Variants in BAG4 observed in about 807,000 individuals in gnomAD.
BAG4 encodes the protein BAG family molecular chaperone regulator 4.
BAG4 carries 28 observed loss-of-function variants against 52.1 expected under a neutral mutation model. The ratio of observed to expected loss-of-function variants is 0.54; its 90% confidence interval spans 0.40 to 0.74. BAG4 has a LOEUF of 0.74. Ranked by LOEUF, BAG4 falls within the 30% of genes least tolerant of loss-of-function variation. BAG4 has a pLI of 0.00. For missense variants in BAG4, 525 were observed against 572.0 expected, an observed-to-expected ratio of 0.92 and a Z score of 0.84; for synonymous variants, 208 against 217.0, an observed-to-expected ratio of 0.96 and a Z score of 0.37.
In BAG4 at chr8:38,210,702, G is replaced by A; in HGVS notation, c.*209G>A. 1.7e-6 allele frequency: 1 copy of A among 580,484 alleles called. No homozygotes were observed. Among genetic ancestry groups the A allele is most frequent in the South Asian group, 3.0e-5 (1 of 32,790 alleles). The allele number at this position is 580,484 out of a possible 1,614,324, so 36.0% of individuals were successfully genotyped here. A position where few individuals can be genotyped will look rare whatever the true frequency, so the allele number is the denominator to read the frequency against. ...AGTTTTCAGACGAATGAATGTAATA[G>A]GAAACTATGGAGTTACCAATATTGC... On this transcript the variant is annotated 3_prime_UTR_variant, in exon 5 of 5. Transcript: ENST00000287322.
At chr8:38,178,335 A>G (rs1194452505) in intron 1 of BAG4, among the ~76,000 whole-genome samples, 2 of 152,062 alleles carry the variant, frequency 1.3e-5, no homozygotes, top group South Asian at 2.1e-4. Context: ...TTGTATTTTT[A>G]GTACAGACGG....
chr8:38,178,399 C>T (rs1475338708), intron 1 of BAG4, among the ~76,000 whole-genome samples: 1 of 152,214 alleles, frequency 6.6e-6, no homozygotes, highest in African/African-American at 2.4e-5. Flanking sequence ...AAGTGATCCC[C>T]CTTTCCCCTG....
At chr8:38,195,056 G>A (rs1803542701) in intron 2 of BAG4, among the ~76,000 whole-genome samples, 1 of 151,650 alleles carries the variant, frequency 6.6e-6, no homozygotes, top group South Asian at 2.1e-4. Flanking sequence ...GGGTTTCACT[G>A]TGTTAGCCAG....
At chr8:38,189,275 A>G (rs769896745) in intron 1 of BAG4, among the ~76,000 whole-genome samples, 2 of 152,138 alleles carry the variant, frequency 1.3e-5, no homozygotes, top group Non-Finnish European at 2.9e-5. Context: ...GGTGAATTGG[A>G]TGGTAGTGAG....
At chr8:38,203,572 C>T (rs947016575) in intron 2 of BAG4, among the ~76,000 whole-genome samples, 46 of 152,032 alleles carry the variant, frequency 3.0e-4, no homozygotes, top group South Asian at 1.4e-3. Flanking sequence ...TGTGAGCCAC[C>T]GTGCCTGGTT....
At chr8:38,203,871 T>TA (rs1040219229) in intron 2 of BAG4, 2 of 154,574 alleles carry the variant, frequency 1.3e-5, no homozygotes, top group Non-Finnish European at 2.8e-5. Context: ...TGATAATACT[T>TA]ATCGCAGACA....
At chr8:38,193,813 A>G (rs1585658088) in intron 2 of BAG4, among the ~76,000 whole-genome samples, 1 of 149,224 alleles carries the variant, frequency 6.7e-6, no homozygotes, top group South Asian at 2.1e-4. Context: ...ATCTTGGCTC[A>G]TTGCAGCCTC....
Position 38,210,341 on chromosome 8 carries a change from G to A in BAG4, c.1222G>A (p.Ala408Thr). 1 of 1,614,162 alleles carries A rather than the reference G, an allele frequency of 6.2e-7. No individual in the cohort carries two copies. Among genetic ancestry groups the A allele is most frequent in the Non-Finnish European group, 8.5e-7 (1 of 1,180,024 alleles). Residue 408 changes from alanine (A) to threonine (T), a missense_variant, in exon 5 of 5, where the codon GCA (alanine) becomes ACA (threonine). Coordinates refer to ENST00000287322, the MANE Select transcript of BAG4 (RefSeq NM_004874.4). ...ATTTGTAGGAAAAAAGACAGACAAA[G>A]CATACTGGCTTCTGGAAGAAATGCT... ...EEFVGKKTDK[A>T]YWLLEEMLTK...
At chr8:38,186,631 C>CA (rs1372705364) in intron 1 of BAG4, among the ~76,000 whole-genome samples, 1 of 152,176 alleles carries the variant, frequency 6.6e-6, no homozygotes, top group African/African-American at 2.4e-5. Context: ...GAACAACTCT[C>CA]AAACACTGAC....
Position 38,176,913 on chromosome 8 carries a change from C to G in BAG4, c.44C>G (p.Pro15Arg). The G allele has an allele frequency of 6.5e-7, 1 of 1,548,514 alleles. No individual in the cohort carries two copies. Among genetic ancestry groups the G allele is most frequent in the Non-Finnish European group, 8.7e-7 (1 of 1,146,492 alleles). Reference protein sequence around the residue: ...RRSGYGPSDGPSYGRYYGPGG... With the variant: ...RRSGYGPSDGRSYGRYYGPGG... The stretch of plus-strand genomic sequence containing the variant: ...TCGGGCTACGGCCCCAGTGACGGTC[C>G]GTCCTACGGCCGCTACTACGGGCCT... Residue 15 changes from proline to arginine, a missense_variant, in exon 1 of 5, where the codon CCG becomes CGG. Pro to Arg is a moderately radical substitution (Grantham distance 103, BLOSUM62 -2). Coordinates refer to ENST00000287322, the MANE Select transcript of BAG4 (RefSeq NM_004874.4).
chr8:38,197,624 TAGTTTACC>T (rs1489954602), intron 2 of BAG4, among the ~76,000 whole-genome samples: 13 of 152,244 alleles, frequency 8.5e-5, no homozygotes, highest in Admixed American at 8.5e-4. Context: ...ATTGTACACT[TAGTTTACC>T]ATAAATTTGT....
intron 2 of BAG4, among the ~76,000 whole-genome samples, chr8:38,200,783 A>C (rs1020751427): frequency 6.6e-6 from 1 of 152,114 alleles, no homozygotes; most frequent in African/African-American, 2.4e-5. Context: ...TTTTTAGTAC[A>C]GATGGGGTTT....
intron 1 of BAG4, among the ~76,000 whole-genome samples, chr8:38,177,830 T>C (rs1803191188): frequency 6.6e-6 from 1 of 152,170 alleles, no homozygotes; most frequent in Non-Finnish European, 1.5e-5. Context: ...GCCGGACATA[T>C]ACTTCTGCTT....
rs916826247 is a variant in BAG4 at position 38,207,609 on chromosome 8, G to A, written c.476G>A (p.Gly159Asp). Residue 159 changes from glycine (G) to aspartate (D), a missense_variant, in exon 3 of 5, where the codon GGT becomes GAT. By Grantham distance (94) the Gly-to-Asp change is moderately conservative (BLOSUM62 -1). Transcript: ENST00000287322. ...TACTCAGGGGCTTATTATGCACCTG[G>A]TTATACTCAGACCAGTTACTCCACA... Reference protein sequence around the residue: ...ASYSGAYYAPGYTQTSYSTEV... With the variant: ...ASYSGAYYAPDYTQTSYSTEV... The A allele has an allele frequency of 6.2e-7, 1 of 1,613,956 alleles. No homozygotes were observed. Among genetic ancestry groups the A allele is most frequent in the Non-Finnish European group, 8.5e-7 (1 of 1,179,960 alleles).
chr8:38,203,165 T>C (rs1803709870), intron 2 of BAG4, among the ~76,000 whole-genome samples: 2 of 152,282 alleles, frequency 1.3e-5, no homozygotes, highest in East Asian at 1.9e-4. Flanking sequence ...ATAAGCTGTT[T>C]TGAGACAAAC....
chr8:38,187,745 G>A (rs1803387276), intron 1 of BAG4, among the ~76,000 whole-genome samples: 2 of 151,902 alleles, frequency 1.3e-5, no homozygotes, highest in Admixed American at 1.3e-4. Context: ...TAGCCCAGCT[G>A]GGTGCTGTGG....
chr8:38,205,202 ATTTTTTTT>A (rs35284937), intron 2 of BAG4, among the ~76,000 whole-genome samples: 12 of 79,314 alleles, frequency 1.5e-4, no homozygotes, highest in South Asian at 5.7e-4. Flanking sequence ...CAGCTAATTA[ATTTTTTTT>A]TTTTTTTTTT....
At chr8:38,197,189 C>A (rs1292734280) in intron 2 of BAG4, among the ~76,000 whole-genome samples, 1 of 152,144 alleles carries the variant, frequency 6.6e-6, no homozygotes, top group Non-Finnish European at 1.5e-5. Context: ...CAAATGTAGT[C>A]ATTCATTGCT....
intron 4 of BAG4, 158 bp downstream of exon 4, chr8:38,209,425 CTT>C: frequency 1.1e-6 from 1 of 922,538 alleles, no homozygotes; most frequent in Non-Finnish European, 1.5e-6. Flanking sequence ...TTTCCTTTTT[CTT>C]TTTTTTAATA....
Sources: gnomAD v4.1 joint callset for allele counts (sites outside exome capture counted in the v4.1 genomes callset) on GRCh38, gnomAD v4.1.1 for gene constraint, MANE v1.5 for transcripts, NCBI Gene and HGNC (gene_info 2026-07-23, HGNC 2026-07-21) for gene names.